The following PACSIN1 variants were observed in gnomAD, a reference collection of about 807,000 sequenced individuals.
PACSIN1 encodes the protein protein kinase C and casein kinase substrate in neurons 1, also known as protein kinase C and casein kinase substrate in neurons protein 1.
PACSIN1 carries 15 observed loss-of-function variants against 59.5 expected under a neutral mutation model. The observed-to-expected ratio is 0.25, with a 90% CI of 0.17 to 0.39. The LOEUF (loss-of-function observed/expected upper bound fraction) is 0.39, where lower values mean the gene tolerates loss of function less well. PACSIN1 is among the 10% of genes least tolerant of loss of function. PACSIN1 has a pLI of 1.00. For missense variants in PACSIN1, 420 were observed against 580.2 expected (o/e 0.72, Z 2.84); for synonymous variants, 210 against 220.6 (o/e 0.95, Z 0.42).
intron 1 of PACSIN1, among the ~76,000 whole-genome samples, chr6:34,467,553 C>CTT (rs61324041): frequency 0.38 from 34,942 of 90,764 alleles, 7,595 homozygotes; most frequent in South Asian, 0.54. Flanking sequence ...TAGGCCCTTC[C>CTT]TTTTTTTTTT....
intron 1 of PACSIN1, among the ~76,000 whole-genome samples, chr6:34,489,062 T>C (rs906479838): frequency 6.6e-6 from 1 of 151,842 alleles, no homozygotes; most frequent in Non-Finnish European, 1.5e-5. Context: ...GCCCCTGTAG[T>C]TCCAGCTACT....
intron 1 of PACSIN1, among the ~76,000 whole-genome samples, chr6:34,512,288 A>G (rs114672114): frequency 0.093 from 12,308 of 132,838 alleles, 538 homozygotes; most frequent in Middle Eastern, 0.11. Flanking sequence ...TCTGGAATCC[A>G]TTGAGTGTGG....
chr6:34,479,387 T>C (rs1056626109), intron 1 of PACSIN1, among the ~76,000 whole-genome samples: 1 of 152,236 alleles, frequency 6.6e-6, no homozygotes, highest in South Asian at 2.1e-4. Flanking sequence ...GGTTTTACCA[T>C]GTAAATATGC....
chr6:34,478,226 AT>A, intron 1 of PACSIN1, among the ~76,000 whole-genome samples: 1 of 147,024 alleles, frequency 6.8e-6, no homozygotes, highest in Non-Finnish European at 1.5e-5. Context: ...TGCCCAGCTA[AT>A]TTTTTGTATT....
intron 1 of PACSIN1, among the ~76,000 whole-genome samples, chr6:34,500,250 G>C (rs1342946542): frequency 6.6e-6 from 1 of 152,144 alleles, no homozygotes; most frequent in African/African-American, 2.4e-5. Flanking sequence ...AAAATAACAA[G>C]TGTTGGGAGT....
chr6:34,530,641 C>T lies in PACSIN1; in HGVS notation c.1037+54C>T, dbSNP rs1561972271. On this transcript the variant is annotated intron_variant, in intron 8 of 9. Coordinates refer to ENST00000244458, the MANE Select transcript of PACSIN1 (RefSeq NM_020804.5). This position sits in a 1 kb window ranked among gnomAD's most constrained non-coding sequence, Gnocchi z 4.4. ...GCCAAGAGGGACCCACACTCTGGGGCAGCTGAGTTTTGCTTCAGAAGACAA... is the reference window on the plus strand; with the variant it reads ...GCCAAGAGGGACCCACACTCTGGGGTAGCTGAGTTTTGCTTCAGAAGACAA... The T allele has an allele frequency of 6.8e-7, 1 of 1,478,718 alleles. No homozygotes were observed. The highest frequency in any genetic ancestry group is 1.4e-5 in the African/African-American group (1 of 70,950). The allele number at this position is 1,478,718 out of a possible 1,614,324, so 91.6% of individuals were successfully genotyped here.
rs754066247 is a variant in PACSIN1, at chr6:34,531,654, G to A, written c.1092G>A (p.Glu364=). 5 of 1,614,026 alleles carry A rather than the reference G, an allele frequency of 3.1e-6. No individual in the cohort carries two copies. The East Asian group carries it at 1.1e-4, about 36-fold the overall frequency. ...QPYATEWSDD[E]SGNPFGGSET... ...ACGCCACCGAGTGGTCAGACGACGA[G>A]AGTGGGAACCCCTTTGGGGGCAGTG... The change falls in exon 9 of 10, where the codon GAG becomes GAA. Residue 364 remains glutamate, a synonymous_variant. Coordinates refer to ENST00000244458, the MANE Select transcript of PACSIN1 (RefSeq NM_020804.5). The surrounding 1 kb of genome is among the most constrained non-coding windows in gnomAD (Gnocchi z 4.4).
At chr6:34,494,035 A>G (rs1766914274) in intron 1 of PACSIN1, among the ~76,000 whole-genome samples, 1 of 152,356 alleles carries the variant, frequency 6.6e-6, no homozygotes, top group Middle Eastern at 3.4e-3. Context: ...TATTTGACAG[A>G]AGACAAAACT....
chr6:34,510,239 C>T (rs375704799), intron 1 of PACSIN1, among the ~76,000 whole-genome samples: 3 of 152,224 alleles, frequency 2.0e-5, no homozygotes, highest in African/African-American at 4.8e-5. Flanking sequence ...GCCTCCACCC[C>T]GGTCTCCTAA....
intron 1 of PACSIN1, among the ~76,000 whole-genome samples, chr6:34,497,556 C>T (rs867104960): frequency 1.3e-5 from 2 of 152,194 alleles, no homozygotes; most frequent in East Asian, 1.9e-4. Context: ...TTGGAATCCC[C>T]TCCAAGGGTG....
intron 1 of PACSIN1, among the ~76,000 whole-genome samples, chr6:34,509,539 C>T (rs929345816): frequency 3.9e-5 from 6 of 152,016 alleles, no homozygotes; most frequent in Non-Finnish European, 5.9e-5. Flanking sequence ...TATTTTTTGG[C>T]TATTTTGGGG....
chr6:34,524,329 A>C (rs1010329128), intron 1 of PACSIN1, among the ~76,000 whole-genome samples: 2 of 152,208 alleles, frequency 1.3e-5, no homozygotes, highest in Non-Finnish European at 2.9e-5. Flanking sequence ...GGTTTAAAAA[A>C]TGTACACACG....
intron 1 of PACSIN1, among the ~76,000 whole-genome samples, chr6:34,471,203 C>G (rs961162127): frequency 2.6e-5 from 4 of 152,196 alleles, no homozygotes; most frequent in African/African-American, 4.8e-5. Flanking sequence ...CCGCCTCAGC[C>G]TCCCAAAGTG....
At position 34,486,633 on chromosome 6, in the gene PACSIN1, T is replaced by C. The variant is rs1766798062; in HGVS notation, c.-64+20363T>C. ...CTCTTCCTCCCTCCCCTAAGCTCTA[T>C]GGGCACAACACACCTGGGCCACTCT... is the stretch of plus-strand genomic sequence containing the variant. On this transcript the variant is annotated intron_variant, in intron 1 of 9. Transcript: ENST00000244458. Among the ~76,000 whole-genome samples the C allele has an allele frequency of 4.6e-5, 7 of 152,244 alleles. No homozygotes were observed. The South Asian group carries it at 1.5e-3, about 32-fold the overall frequency.
Position 34,527,357 on chromosome 6 carries a change from A to G in PACSIN1, c.89A>G (p.Lys30Arg), listed in dbSNP as rs201901865. 231 of 1,591,932 alleles carry G rather than the reference A, an allele frequency of 1.5e-4. No homozygotes were observed. In the East Asian group the frequency reaches 4.8e-3, roughly 33 times the overall value. ...GTGGGGAACTACAAGCGGACCGTGA[A>G]GCGCATCGATGACGGCCACCGTCTA... is the stretch of plus-strand genomic sequence containing the variant. ...WEVGNYKRTV[K>R]RIDDGHRLCN... Residue 30 changes from lysine to arginine, a missense_variant, in exon 3 of 10, where the codon AAG (lysine) becomes AGG (arginine). Physicochemically the swap from Lys to Arg is conservative, Grantham distance 26. Coordinates refer to ENST00000244458, the MANE Select transcript of PACSIN1 (RefSeq NM_020804.5).
chr6:34,527,318 T>C lies in PACSIN1; in HGVS notation c.64-14T>C. The C allele has an allele frequency of 6.4e-7, 1 of 1,551,166 alleles. No homozygotes were observed. The highest frequency in any genetic ancestry group is 1.4e-5 in the African/African-American group (1 of 72,518). On this transcript the variant is annotated splice_polypyrimidine_tract_variant and intron_variant, in intron 2 of 9. Coordinates refer to ENST00000244458, the MANE Select transcript of PACSIN1 (RefSeq NM_020804.5). The stretch of plus-strand genomic sequence containing the variant: ...GGGAACCCGCGGGAGTGGTGCTCGC[T>C]GCTTGGCCGCCAGGTGGGGAACTAC...
At chr6:34,495,180 T>A (rs1766930340) in intron 1 of PACSIN1, among the ~76,000 whole-genome samples, 1 of 152,194 alleles carries the variant, frequency 6.6e-6, no homozygotes, top group Non-Finnish European at 1.5e-5. Flanking sequence ...TTATTTATAC[T>A]AAGGTGTGAA....
intron 1 of PACSIN1, among the ~76,000 whole-genome samples, chr6:34,499,140 C>A (rs190727876): frequency 1.6e-3 from 240 of 152,130 alleles, no homozygotes; most frequent in Middle Eastern, 3.4e-3. Flanking sequence ...ACAGTCCCAT[C>A]TGGGGGTGAT....
At chr6:34,469,113 G>C (rs780353716) in intron 1 of PACSIN1, among the ~76,000 whole-genome samples, 1 of 151,788 alleles carries the variant, frequency 6.6e-6, no homozygotes, top group Non-Finnish European at 1.5e-5. Flanking sequence ...TGAGGGGTGG[G>C]GGCATTCACT....
Sources: allele counts gnomAD v4.1 joint callset (sites outside exome capture counted in the v4.1 genomes callset), GRCh38; gene constraint gnomAD v4.1.1; non-coding constraint Gnocchi (gnomAD v3.1); transcripts MANE v1.5; gene names NCBI Gene and HGNC (gene_info 2026-07-23, HGNC 2026-07-21).